TRIM24: variants seen among roughly 807,000 people sequenced by gnomAD.
The protein encoded by TRIM24 is transcription intermediary factor 1-alpha.
TRIM24 carries 29 observed loss-of-function variants against 123.9 expected under a neutral mutation model. The observed-to-expected ratio is 0.23, with a 90% CI of 0.17 to 0.32. The LOEUF (loss-of-function observed/expected upper bound fraction) is 0.32, where lower values mean the gene tolerates loss of function less well. TRIM24 is among the 10% of genes least tolerant of loss of function. The pLI, the probability that TRIM24 is intolerant of heterozygous loss-of-function variation, is 1.00. For synonymous variants in TRIM24, 456 were observed against 461.1 expected (o/e 0.99, Z 0.14); for missense variants, 932 against 1,295.3 (o/e 0.72, Z 4.31).
chr7:138,521,033 TA>T (rs1796494456), intron 4 of TRIM24, among the ~76,000 whole-genome samples: 2 of 152,168 alleles, frequency 1.3e-5, no homozygotes, highest in African/African-American at 4.8e-5. Context: ...ATTAAGAAAG[TA>T]ATATTTTTAA....
intron 2 of TRIM24, among the ~76,000 whole-genome samples, chr7:138,512,891 CT>C (rs1004711308): frequency 5.3e-5 from 8 of 152,206 alleles, no homozygotes; most frequent in African/African-American, 1.9e-4. Context: ...ACTTTCCAAA[CT>C]TTTATGCTCT....
chr7:138,517,427 G>A (rs1423652242), intron 3 of TRIM24, among the ~76,000 whole-genome samples: 2 of 151,870 alleles, frequency 1.3e-5, no homozygotes, highest in East Asian at 3.9e-4. Flanking sequence ...CTGGAGTGCA[G>A]TGGTGCGATC....
intron 1 of TRIM24, among the ~76,000 whole-genome samples, chr7:138,492,548 C>T (rs1328288003): frequency 6.6e-6 from 1 of 152,070 alleles, no homozygotes; most frequent in African/African-American, 2.4e-5. Context: ...TACATTGAAA[C>T]AACCAGTAAA....
At chr7:138,557,730 A>G (rs1008389406) in intron 9 of TRIM24, among the ~76,000 whole-genome samples, 3 of 152,190 alleles carry the variant, frequency 2.0e-5, no homozygotes, top group Admixed American at 6.5e-5. Flanking sequence ...TTCCTGGGCT[A>G]TGAGACTAGT....
Position 138,460,329 on chromosome 7 carries a change from C to T in TRIM24, c.-220C>T, listed in dbSNP as rs182495590. Reference sequence around the variant, plus strand: ...GCCTCCCCGGTGCGAGGAACGGTCTCCGCTGACAGATACCCTCCTTCCGGC... The same window carrying T: ...GCCTCCCCGGTGCGAGGAACGGTCTTCGCTGACAGATACCCTCCTTCCGGC... On this transcript the variant is annotated 5_prime_UTR_variant, in exon 1 of 19. Transcript: ENST00000343526. The T allele has an allele frequency of 5.1e-3, 2,165 of 425,784 alleles. 34 individuals are homozygous for T. The highest frequency in any genetic ancestry group is 0.034 in the African/African-American group (1,665 of 48,832). The allele number at this position is 425,784 out of a possible 1,614,324, so 26.4% of individuals were successfully genotyped here.
chr7:138,465,255 T>C lies in TRIM24; in HGVS notation c.364+4343T>C, dbSNP rs531042132. On this transcript the variant is annotated intron_variant, in intron 1 of 18. Transcript: ENST00000343526. ...GAGGGTGAATGACCACAAGTTAAAATTGGATGACTCCTTCAGTCTTGACTG... is the reference window on the plus strand; with the variant it reads ...GAGGGTGAATGACCACAAGTTAAAACTGGATGACTCCTTCAGTCTTGACTG... Among the ~76,000 whole-genome samples, 30 of 152,334 alleles carry C rather than the reference T, an allele frequency of 2.0e-4. 1 individual carries two copies. The highest frequency in any genetic ancestry group is 1.8e-3 in the Admixed American group (27 of 15,304).
chr7:138,472,787 G>A (rs1451182835), intron 1 of TRIM24, among the ~76,000 whole-genome samples: 2 of 152,148 alleles, frequency 1.3e-5, no homozygotes, highest in Non-Finnish European at 2.9e-5. Context: ...GTTGACCAGT[G>A]TACTGCTTCC....
intron 9 of TRIM24, among the ~76,000 whole-genome samples, chr7:138,557,607 G>GCTGGAA (rs1229423077): frequency 1.1e-4 from 17 of 152,278 alleles, no homozygotes; most frequent in Admixed American, 4.6e-4. Flanking sequence ...CTAAGTCTGG[G>GCTGGAA]CTGGAACATG....
chr7:138,516,022 G>A (rs188271453), intron 3 of TRIM24, among the ~76,000 whole-genome samples: 51 of 152,188 alleles, frequency 3.4e-4, no homozygotes, highest in Admixed American at 1.9e-3. Flanking sequence ...TTTTCTGGCC[G>A]GGCGCGGTGG....
rs1317878018 is a variant in TRIM24 at position 138,460,658 on chromosome 7, A to C, written c.110A>C (p.Gln37Pro). ...GGGGAGAACGAGGCCGAGAGTCGGC[A>C]GGGCCCGGACTCGGAGCGCGGCGGC... ...PSGENEAESR[Q>P]GPDSERGGEA... Residue 37 changes from glutamine to proline, a missense_variant, in exon 1 of 19, where the codon CAG becomes CCG. Coordinates refer to ENST00000343526, the MANE Select transcript of TRIM24 (RefSeq NM_015905.3). 2.7e-6 allele frequency: 4 copies of C among 1,490,076 alleles called. No individual in the cohort carries two copies. Among genetic ancestry groups the C allele is most frequent in the Non-Finnish European group, 3.6e-6 (4 of 1,124,746 alleles). 92.3% of individuals were successfully genotyped at this position (1,490,076 alleles called of 1,614,324 possible).
chr7:138,465,323 C>G lies in TRIM24; in HGVS notation c.364+4411C>G, dbSNP rs533400544. On this transcript the variant is annotated intron_variant, in intron 1 of 18. Coordinates refer to ENST00000343526, the MANE Select transcript of TRIM24 (RefSeq NM_015905.3). Reference sequence around the variant, plus strand: ...AGTTATATCTAGGAGAGAGGCAAAACTTTAGGAAATGGATTTTCTTTTACG... The same window carrying G: ...AGTTATATCTAGGAGAGAGGCAAAAGTTTAGGAAATGGATTTTCTTTTACG... Among the ~76,000 whole-genome samples the G allele has an allele frequency of 5.3e-5, 8 of 152,262 alleles. No individual in the cohort carries two copies. The East Asian group carries it at 1.3e-3, about 26-fold the overall frequency.
At chr7:138,551,644 C>CT (rs1797215564) in intron 8 of TRIM24, among the ~76,000 whole-genome samples, 1 of 152,130 alleles carries the variant, frequency 6.6e-6, no homozygotes, top group African/African-American at 2.4e-5. Context: ...GGTGTCTAGA[C>CT]TTAGGGATTT....
At chr7:138,523,617 T>G (rs548951642) in intron 4 of TRIM24, among the ~76,000 whole-genome samples, 276 of 151,882 alleles carry the variant, frequency 1.8e-3, no homozygotes, top group African/African-American at 6.3e-3. Flanking sequence ...TAGCCAGGCG[T>G]GGTGGTGGGT....
At chr7:138,466,382 A>G (rs1795137659) in intron 1 of TRIM24, among the ~76,000 whole-genome samples, 1 of 148,542 alleles carries the variant, frequency 6.7e-6, no homozygotes, top group African/African-American at 2.5e-5. Flanking sequence ...AATAATGATG[A>G]GCATCTTTTC....
rs570968261 is a variant in TRIM24, at chr7:138,535,545, C to T, written c.997-3112C>T. On this transcript the variant is annotated intron_variant, in intron 6 of 18. Coordinates refer to ENST00000343526, the MANE Select transcript of TRIM24 (RefSeq NM_015905.3). ...CTTTAAGGCTGTTGAATATTGGCCC[C>T]TACTCTCTTCTGTCTTGTAGAGTTT... is the stretch of plus-strand genomic sequence containing the variant. Among the ~76,000 whole-genome samples, 331 of 152,274 alleles carry T rather than the reference C, an allele frequency of 2.2e-3. 1 individual carries two copies. Among genetic ancestry groups the T allele is most frequent in the Middle Eastern group, 0.014 (4 of 294 alleles).
chr7:138,504,032 G>A (rs1355878783), intron 1 of TRIM24, among the ~76,000 whole-genome samples: 1 of 152,126 alleles, frequency 6.6e-6, no homozygotes, highest in African/African-American at 2.4e-5. Context: ...AACAGTAAAA[G>A]CATTTAGCCC....
chr7:138,523,984 C>T (rs547261995), intron 4 of TRIM24, among the ~76,000 whole-genome samples: 3 of 152,154 alleles, frequency 2.0e-5, no homozygotes, highest in African/African-American at 7.2e-5. Context: ...GAAAACTTGC[C>T]TTAAATCTCG....
At chr7:138,556,688 G>T (rs1370537542) in intron 9 of TRIM24, among the ~76,000 whole-genome samples, 1 of 152,172 alleles carries the variant, frequency 6.6e-6, no homozygotes, top group Non-Finnish European at 1.5e-5. Context: ...TTTTCTTCTA[G>T]GACTGGTCTC....
Position 138,529,248 on chromosome 7 carries a change from G to T in TRIM24, c.996+18G>T, listed in dbSNP as rs1333789750. Reference sequence around the variant, plus strand: ...AGTTAGAGGTAAGTGACTGCCCATGGGATAGTATATTGATTCAACATAGTA... The same window carrying T: ...AGTTAGAGGTAAGTGACTGCCCATGTGATAGTATATTGATTCAACATAGTA... On this transcript the variant is annotated intron_variant, in intron 6 of 18. Coordinates refer to ENST00000343526, the MANE Select transcript of TRIM24 (RefSeq NM_015905.3). 3 of 1,285,872 alleles carry T rather than the reference G, an allele frequency of 2.3e-6. No individual in the cohort carries two copies. The highest frequency in any genetic ancestry group is 3.0e-5 in the South Asian group (2 of 66,590). The allele number at this position is 1,285,872 out of a possible 1,614,324, so 79.7% of individuals were successfully genotyped here. A position where few individuals can be genotyped will look rare whatever the true frequency, so the allele number is the denominator to read the frequency against.
Sources: gnomAD v4.1 joint callset for allele counts (sites outside exome capture counted in the v4.1 genomes callset) on GRCh38, gnomAD v4.1.1 for gene constraint, MANE v1.5 for transcripts, NCBI Gene and HGNC (gene_info 2026-07-23, HGNC 2026-07-21) for gene names.